Variants in EZH1 observed in about 807,000 individuals in gnomAD.
EZH1 encodes the protein histone-lysine N-methyltransferase EZH1.
In EZH1, 33 loss-of-function variants were observed where a neutral mutation model predicts 100.5. The ratio of observed to expected loss-of-function variants is 0.33; its 90% confidence interval spans 0.25 to 0.44. EZH1 has a LOEUF of 0.44. Among genes scored for constraint, EZH1 ranks in the 20% least tolerant of loss-of-function variants. The pLI is 1.00. For missense variants in EZH1, 475 were observed against 928.4 expected (o/e 0.51, Z 6.35); for synonymous variants, 272 against 313.8 (o/e 0.87, Z 1.41).
chr17:42,726,399 A>G (rs1479476506), intron 4 of EZH1, among the ~76,000 whole-genome samples: 10 of 151,710 alleles, frequency 6.6e-5, no homozygotes. Context: ...AATATTATCT[A>G]TTTCCCAGGT....
At chr17:42,709,741 C>T (rs766198545) in intron 13 of EZH1, 105 bp downstream of exon 13, 1 of 1,030,602 alleles carries the variant, frequency 9.7e-7, no homozygotes. Flanking sequence ...CTCACACAGC[C>T]TGTGCGGTTG....
At chr17:42,738,845 C>T (rs1464701906) in intron 1 of EZH1, among the ~76,000 whole-genome samples, 1 of 150,952 alleles carries the variant, frequency 6.6e-6, no homozygotes, top group Non-Finnish European at 1.5e-5. Context: ...CTGCAATCTC[C>T]ACCTCCTGGG....
chr17:42,710,619 G>GT (rs1201432308), intron 12 of EZH1, among the ~76,000 whole-genome samples: 3 of 138,158 alleles, frequency 2.2e-5, no homozygotes, highest in Non-Finnish European at 4.7e-5. Context: ...TCATGGTTCT[G>GT]TTTTTGTTTG....
At chr17:42,723,949 C>T (rs1320663446) in intron 5 of EZH1, among the ~76,000 whole-genome samples, 3 of 152,126 alleles carry the variant, frequency 2.0e-5, no homozygotes, top group Non-Finnish European at 4.4e-5. Flanking sequence ...AGGATTACTC[C>T]ATCAACAGGG....
At chr17:42,724,811 T>C (rs1443016712) in intron 4 of EZH1, among the ~76,000 whole-genome samples, 4 of 150,988 alleles carry the variant, frequency 2.6e-5, no homozygotes, top group African/African-American at 9.7e-5. Flanking sequence ...AAAATGATCT[T>C]AGTAGCCTCT....
At position 42,712,441 on chromosome 17, in the gene EZH1, G is replaced by C. The variant is rs531032842; in HGVS notation, c.1249C>G (p.Pro417Ala). 1 of 1,614,178 alleles carries C rather than the reference G, an allele frequency of 6.2e-7. No individual in the cohort carries two copies. Among genetic ancestry groups the C allele is most frequent in the South Asian group, 1.1e-5 (1 of 91,078 alleles). ...ACTACGCAGAGTTGAGGTGGGGCTG[G>C]ACTAGCCTTCTGTTTTGTGGGAGTC... The part of the protein sequence containing the change: ...CQTPTKQKAS[P>A]APPQLCVVEA... The change falls in exon 12 of 21, where the codon CCA becomes GCA. Residue 417 changes from proline (P) to alanine (A), a missense_variant. This residue lies in a region of EZH1 where 83 missense variants were observed against 142.1 expected (regional missense o/e 0.58). Transcript: ENST00000428826.
At chr17:42,724,268 C>T in intron 5 of EZH1, 37 bp downstream of exon 5, 1 of 1,610,414 alleles carries the variant, frequency 6.2e-7, no homozygotes, top group Non-Finnish European at 8.5e-7. Flanking sequence ...CACAATCATA[C>T]AGTTTAAATA....
At chr17:42,737,532 G>T (rs147811267) in intron 1 of EZH1, among the ~76,000 whole-genome samples, 1 of 152,176 alleles carries the variant, frequency 6.6e-6, no homozygotes, top group Non-Finnish European at 1.5e-5. Context: ...GAGCCTGCAC[G>T]ATCAAGGCTG....
intron 10 of EZH1, among the ~76,000 whole-genome samples, chr17:42,713,787 T>C (rs886256080): frequency 5.3e-5 from 8 of 152,176 alleles, no homozygotes; most frequent in African/African-American, 1.7e-4. Context: ...AAAAAAGATA[T>C]AATCTATGCA....
chr17:42,734,050 ATT>A (rs111718392), intron 1 of EZH1, among the ~76,000 whole-genome samples: 20 of 140,162 alleles, frequency 1.4e-4, no homozygotes, highest in African/African-American at 3.6e-4. Context: ...ATGCACATGG[ATT>A]TTTTTTTTTT....
chr17:42,703,906 A>G (rs1437268484), intron 18 of EZH1, 86 bp from the exon 19 acceptor site: 3 of 956,040 alleles, frequency 3.1e-6, no homozygotes, highest in Non-Finnish European at 5.1e-6. Flanking sequence ...GTTAAATGGT[A>G]ACAGAAACAC....
chr17:42,729,355 C>T (rs958654143), intron 2 of EZH1: 3 of 168,674 alleles, frequency 1.8e-5, no homozygotes, highest in Admixed American at 1.3e-4. Flanking sequence ...TGCATTGAGC[C>T]GTGACCACGC....
chr17:42,734,991 TC>T (rs2054037576), intron 1 of EZH1, among the ~76,000 whole-genome samples: 1 of 98,192 alleles, frequency 1.0e-5, no homozygotes, highest in Admixed American at 1.6e-4. Context: ...AGACTCGGTC[TC>T]AAAAAAAGAA....
intron 1 of EZH1, 111 bp downstream of exon 1, chr17:42,744,900 C>A (rs901481683): frequency 2.9e-5 from 33 of 1,155,922 alleles, no homozygotes; most frequent in Non-Finnish European, 3.5e-5. Flanking sequence ...GTGTGTCCCT[C>A]GGATTCCTTC....
chr17:42,740,214 A>C (rs1487202758), intron 1 of EZH1, among the ~76,000 whole-genome samples: 1 of 150,894 alleles, frequency 6.6e-6, no homozygotes, highest in Non-Finnish European at 1.5e-5. Flanking sequence ...TGCCTGGCTA[A>C]TTTTTTATAT....
Position 42,709,884 on chromosome 17 carries a change from C to T in EZH1, c.1455G>A (p.Glu485=). ...TCTTCTTCTGTGAGGGGTTCATGAG[C>T]TCATCTGTTGGCAGCTTCAGGATAA... ...ESLILKLPTD[E]LMNPSQKKKR... The change falls in exon 13 of 21, where the codon GAG becomes GAA. Residue 485 remains glutamate, a synonymous_variant. Transcript: ENST00000428826. The T allele has an allele frequency of 6.2e-7, 1 of 1,614,202 alleles. No individual in the cohort carries two copies. The highest frequency in any genetic ancestry group is 8.5e-7 in the Non-Finnish European group (1 of 1,180,012).
intron 4 of EZH1, chr17:42,724,735 C>T (rs183485978): frequency 5.4e-5 from 12 of 220,190 alleles, no homozygotes; most frequent in Middle Eastern, 2.0e-3. Context: ...GAGTGAGCCA[C>T]TGCACTCCAG....
At chr17:42,726,022 G>A (rs1191281080) in intron 4 of EZH1, among the ~76,000 whole-genome samples, 1 of 151,516 alleles carries the variant, frequency 6.6e-6, no homozygotes, top group Non-Finnish European at 1.5e-5. Context: ...GGGATTATAG[G>A]TGCACGCCAC....
intron 1 of EZH1, among the ~76,000 whole-genome samples, chr17:42,742,462 G>C (rs975329341): frequency 5.3e-5 from 8 of 151,990 alleles, no homozygotes; most frequent in South Asian, 2.1e-4. Flanking sequence ...GTTTCAAAGG[G>C]CACTAATGTA....
Sources: allele counts gnomAD v4.1 joint callset (sites outside exome capture counted in the v4.1 genomes callset), GRCh38; gene constraint gnomAD v4.1.1; regional missense constraint gnomAD v4.1.1; transcripts MANE v1.5; gene names NCBI Gene and HGNC (gene_info 2026-07-23, HGNC 2026-07-21).